RNLS: variants seen among roughly 807,000 people sequenced by gnomAD.
RNLS encodes the protein renalase, FAD dependent amine oxidase, also known as renalase.
A neutral mutation model predicts 39.8 loss-of-function variants in RNLS; 39 were observed. The ratio of observed to expected loss-of-function variants is 0.98; its 90% CI spans 0.76 to 1.28. The LOEUF is 1.28. Ranked by LOEUF, RNLS falls within the 50% of genes most tolerant of loss-of-function variation. The pLI is 0.00. For missense variants in RNLS, 410 were observed against 413.3 expected, an observed-to-expected ratio of 0.99 and a Z score of 0.07; for synonymous variants, 147 against 150.7, an observed-to-expected ratio of 0.98 and a Z score of 0.18.
chr10:88,582,234 G>T lies in RNLS; in HGVS notation c.192C>A (p.Thr64=). Reference sequence around the variant, plus strand: ...GTTTTTTGGCATAATGAGGAGTGCAGGTGATGTACTGAGCACCCAAGTCAG... The same window carrying T: ...GTTTTTTGGCATAATGAGGAGTGCATGTGATGTACTGAGCACCCAAGTCAG... ...CTADLGAQYI[T]CTPHYAKKHQ... The change falls in exon 2 of 7, where the codon ACC becomes ACA. Residue 64 remains threonine (T), a synonymous_variant. Coordinates refer to ENST00000331772, the MANE Select transcript of RNLS (RefSeq NM_001031709.3). 6.2e-7 allele frequency: 1 copy of T among 1,614,032 alleles called. No individual in the cohort carries two copies. The highest frequency in any genetic ancestry group is 1.1e-5 in the South Asian group (1 of 91,064).
chr10:88,294,796 C>CA (rs1056356086), intron 6 of RNLS, among the ~76,000 whole-genome samples: 1 of 152,016 alleles, frequency 6.6e-6, no homozygotes, highest in African/African-American at 2.4e-5. Context: ...CACAAGCCAA[C>CA]AAAAAAGCTA....
chr10:88,376,635 G>A (rs946768177), intron 4 of RNLS, among the ~76,000 whole-genome samples: 9 of 152,004 alleles, frequency 5.9e-5, no homozygotes, highest in African/African-American at 2.2e-4. Context: ...TCACTGAATC[G>A]CCAGCTTTAT....
At chr10:88,580,580 A>C (rs2134497170) in intron 3 of RNLS, among the ~76,000 whole-genome samples, 1 of 152,338 alleles carries the variant, frequency 6.6e-6, no homozygotes, top group East Asian at 1.9e-4. Context: ...ATCATCAATT[A>C]TCCAAGAAAA....
chr10:88,325,474 G>GCA (rs1846532406), intron 5 of RNLS, among the ~76,000 whole-genome samples: 1 of 152,100 alleles, frequency 6.6e-6, no homozygotes, highest in Non-Finnish European at 1.5e-5. Flanking sequence ...TGCTAATAGA[G>GCA]CACTAAGATT....
chr10:88,339,635 C>T (rs1049390068), intron 5 of RNLS, among the ~76,000 whole-genome samples: 1 of 152,030 alleles, frequency 6.6e-6, no homozygotes, highest in Non-Finnish European at 1.5e-5. Context: ...CTCACAGTGA[C>T]CAGGGACAAG....
chr10:88,292,006 T>A (rs1843702581), intron 6 of RNLS, among the ~76,000 whole-genome samples: 1 of 152,106 alleles, frequency 6.6e-6, no homozygotes, highest in South Asian at 2.1e-4. Context: ...AAAAACAGAT[T>A]TGGGGGCAGA....
the RNLS span, among the ~76,000 whole-genome samples, chr10:88,237,890 A>C: frequency 6.6e-6 from 1 of 152,278 alleles, no homozygotes; most frequent in East Asian, 1.9e-4. Context: ...CAAAAGGTTA[A>C]TTAACAATTA....
chr10:88,322,457 T>C (rs1263847631), intron 5 of RNLS, among the ~76,000 whole-genome samples: 2 of 152,148 alleles, frequency 1.3e-5, no homozygotes, highest in African/African-American at 4.8e-5. Context: ...GGGGGCAGTT[T>C]TCCCCATGCT....
chr10:88,243,340 C>CAAT, the RNLS span, among the ~76,000 whole-genome samples: 1 of 152,190 alleles, frequency 6.6e-6, no homozygotes, highest in Non-Finnish European at 1.5e-5. Flanking sequence ...TGTCCTGGAA[C>CAAT]AATACTCTGT....
At chr10:88,193,192 G>A in the RNLS span, among the ~76,000 whole-genome samples, 1 of 152,162 alleles carries the variant, frequency 6.6e-6, no homozygotes, top group Non-Finnish European at 1.5e-5. Context: ...CGAGTCTGCA[G>A]GTGGAAAATG....
At position 88,459,896 on chromosome 10, in the gene RNLS, C is replaced by T. The variant is rs78612020; in HGVS notation, c.527-97171G>A. ...AATTGAAATTGAATTCCCTACAATT[C>T]ACAGCTGAGAAATACATGGCCACTG... is the stretch of plus-strand genomic sequence containing the variant. On this transcript the variant is annotated intron_variant, in intron 4 of 6. Transcript: ENST00000331772. Among the ~76,000 whole-genome samples, 746 of 152,254 alleles carry T rather than the reference C, an allele frequency of 4.9e-3. 3 individuals carry two copies. Among genetic ancestry groups the T allele is most frequent in the African/African-American group, 0.017 (703 of 41,556 alleles).
chr10:88,348,065 C>T (rs934157356), intron 5 of RNLS, among the ~76,000 whole-genome samples: 1 of 152,128 alleles, frequency 6.6e-6, no homozygotes, highest in Non-Finnish European at 1.5e-5. Flanking sequence ...AAAGACTGCG[C>T]CAGTTCCCAC....
chr10:88,385,761 T>TCCCTGC (rs1851824551), intron 4 of RNLS, among the ~76,000 whole-genome samples: 1 of 152,194 alleles, frequency 6.6e-6, no homozygotes, highest in Admixed American at 6.5e-5. Context: ...TGACTCTTTG[T>TCCCTGC]CACGGTGCCC....
At chr10:88,183,447 AATGC>A in the RNLS span, among the ~76,000 whole-genome samples, 1 of 152,122 alleles carries the variant, frequency 6.6e-6, no homozygotes, top group African/African-American at 2.4e-5. Flanking sequence ...ATGTAACTTC[AATGC>A]ATTTAGCAAA....
chr10:88,389,393 C>T (rs1852062480), intron 4 of RNLS, among the ~76,000 whole-genome samples: 1 of 152,000 alleles, frequency 6.6e-6, no homozygotes, highest in Non-Finnish European at 1.5e-5. Context: ...AGCCTGCTAT[C>T]TATTTTTGAT....
the RNLS span, among the ~76,000 whole-genome samples, chr10:88,242,513 C>T: frequency 4.6e-5 from 7 of 152,126 alleles, no homozygotes; most frequent in South Asian, 4.1e-4. Flanking sequence ...GCAAAATATT[C>T]TAAGTAGGTA....
At chr10:88,394,183 A>G (rs1426387580) in intron 4 of RNLS, among the ~76,000 whole-genome samples, 2 of 152,196 alleles carry the variant, frequency 1.3e-5, no homozygotes, top group Non-Finnish European at 1.5e-5. Flanking sequence ...AAAAACCAAA[A>G]TTGACAAATA....
chr10:88,356,703 C>T (rs552831915), intron 5 of RNLS, among the ~76,000 whole-genome samples: 54 of 152,290 alleles, frequency 3.5e-4, no homozygotes, highest in African/African-American at 1.2e-3. Flanking sequence ...TGCTTTTCTT[C>T]TTTTAAGATG....
intron 6 of RNLS, among the ~76,000 whole-genome samples, chr10:88,302,663 A>T (rs1321906319): frequency 1.3e-5 from 2 of 152,226 alleles, no homozygotes; most frequent in African/African-American, 2.4e-5. Context: ...AACTGATGAT[A>T]TGTTGAAGAA....
Sources: allele counts gnomAD v4.1 joint callset (sites outside exome capture counted in the v4.1 genomes callset), GRCh38; gene constraint gnomAD v4.1.1; transcripts MANE v1.5; gene names NCBI Gene and HGNC (gene_info 2026-07-23, HGNC 2026-07-21).